TBC1D24: variants seen among roughly 807,000 people sequenced by gnomAD.
TBC1D24 encodes Infantile myoclonic epilepsy.
TBC1D24 carries 47 observed loss-of-function variants against 50.7 expected under a neutral mutation model. That is an observed-to-expected ratio of 0.93 (90% CI 0.73 to 1.18). The LOEUF is 1.18. Ranked by LOEUF, TBC1D24 falls within the 50% of genes most tolerant of loss-of-function variation. The pLI is 0.00. For synonymous variants in TBC1D24, 324 were observed against 335.2 expected, an observed-to-expected ratio of 0.97 and a Z score of 0.36; for missense variants, 688 against 766.5, an observed-to-expected ratio of 0.90 and a Z score of 1.21.
chr16:2,499,072 C>A lies in TBC1D24; in HGVS notation c.1143-285C>A, dbSNP rs1350493227. Among the ~76,000 whole-genome samples, 1 of 152,240 alleles carries A rather than the reference C, an allele frequency of 6.6e-6. No individual in the cohort carries two copies. On this transcript the variant is annotated intron_variant, in intron 4 of 7. Transcript: ENST00000646147. This position sits in a 1 kb window ranked among gnomAD's most constrained non-coding sequence, Gnocchi z 4.0. The stretch of plus-strand genomic sequence containing the variant: ...GGCCCAAACCTCCCCACCGCAGGGA[C>A]CTGTTCCTCTGGTTCCTGCTTCCCC...
rs1387962002 is a variant in TBC1D24 at position 2,502,662 on chromosome 16, T to A, written c.*1704T>A. ...AGCTGTGAAATGGGGCCAGTCCCCA[T>A]GCCCTGCTGTCCTCCTCACAGGACT... On this transcript the variant is annotated 3_prime_UTR_variant, in exon 8 of 8. Transcript: ENST00000646147. The A allele has an allele frequency of 6.5e-6, 1 of 152,712 alleles. No homozygotes were observed. The highest frequency in any genetic ancestry group is 2.4e-5 in the African/African-American group (1 of 41,454). The allele number at this position is 152,712 out of a possible 1,614,324, so 9.5% of individuals were successfully genotyped here. A position where few individuals can be genotyped will look rare whatever the true frequency, so the allele number is the denominator to read the frequency against.
In TBC1D24 at chr16:2,497,751, C is replaced by T. The variant is rs757957427; in HGVS notation, c.983+24C>T. On this transcript the variant is annotated intron_variant, in intron 3 of 7. Transcript: ENST00000646147. The stretch of plus-strand genomic sequence containing the variant: ...AGGTAGGTCTGAAACTGTATCTGCA[C>T]ACCTGGCCTCTGTCTTTCCACCAGG... The T allele has an allele frequency of 5.2e-6, 8 of 1,535,664 alleles. No individual in the cohort carries two copies. The South Asian group carries it at 9.5e-5, about 18-fold the overall frequency.
At chr16:2,497,590 C>T (rs2065754555) in intron 2 of TBC1D24, 120 bp from the exon 3 acceptor site, 2 of 978,244 alleles carry the variant, frequency 2.0e-6, no homozygotes, top group Non-Finnish European at 3.1e-6. Context: ...GGCCTGTTGG[C>T]GTGCAGCCCT....
At position 2,496,376 on chromosome 16, in the gene TBC1D24, CATCGTGGGCAAG is replaced by C. The variant is rs761918906; in HGVS notation, c.241_252del (p.Ile81_Lys84del). ...CGCCTGACGCCAGCGTGTACAGCGACATCGTGGGCAAGATCGTGGGCAAGCACAGCAGCAGCT... is the reference window on the plus strand; with the variant it reads ...CGCCTGACGCCAGCGTGTACAGCGACATCGTGGGCAAGCACAGCAGCAGCT... On this transcript the variant is annotated inframe_deletion, in exon 2 of 8. Transcript: ENST00000646147. 36 of 1,613,374 alleles carry C rather than the reference CATCGTGGGCAAG, an allele frequency of 2.2e-5. No individual in the cohort carries two copies. In the East Asian group the frequency reaches 3.8e-4, roughly 17 times the overall value.
In TBC1D24 at chr16:2,487,734, A is replaced by G. The variant is rs1041959236; in HGVS notation, c.-115-8300A>G. 6.6e-6 allele frequency among the ~76,000 whole-genome samples: 1 copy of G among 151,398 alleles called. No homozygotes were observed. Among genetic ancestry groups the G allele is most frequent in the Non-Finnish European group, 1.5e-5 (1 of 67,980 alleles). Reference sequence around the variant, plus strand: ...TTGGAGTTTGGTGTTTGGGGATGGCAGGTGGTGTTACTAGTGGCAGCCTTG... The same window carrying G: ...TTGGAGTTTGGTGTTTGGGGATGGCGGGTGGTGTTACTAGTGGCAGCCTTG... On this transcript the variant is annotated intron_variant, in intron 1 of 7. Transcript: ENST00000646147. This position sits in a 1 kb window ranked among gnomAD's most constrained non-coding sequence, Gnocchi z 4.1.
rs2065770117 is a variant in TBC1D24 at position 2,499,282 on chromosome 16, G to A, written c.1143-75G>A. 7.3e-7 allele frequency: 1 copy of A among 1,378,492 alleles called. No homozygotes were observed. The highest frequency in any genetic ancestry group is 1.9e-5 in the Admixed American group (1 of 52,296). 85.4% of individuals were successfully genotyped at this position (1,378,492 alleles called of 1,614,324 possible). A position where few individuals can be genotyped will look rare whatever the true frequency, so the allele number is the denominator to read the frequency against. On this transcript the variant is annotated intron_variant, in intron 4 of 7. Coordinates refer to ENST00000646147, the MANE Select transcript of TBC1D24 (RefSeq NM_001199107.2). The surrounding 1 kb of genome is among the most constrained non-coding windows in gnomAD (Gnocchi z 4.0). The stretch of plus-strand genomic sequence containing the variant: ...CCCAGGTCTTCGCCCCAAGACAGCT[G>A]GGGCCAGCGGAGGCTGCAGGAGGCG...
Position 2,501,137 on chromosome 16 carries a change from C to A in TBC1D24, c.*179C>A. 1.3e-6 allele frequency: 1 copy of A among 778,368 alleles called. No homozygotes were observed. The highest frequency in any genetic ancestry group is 2.0e-6 in the Non-Finnish European group (1 of 492,656). The allele number at this position is 778,368 out of a possible 1,614,324, so 48.2% of individuals were successfully genotyped here. On this transcript the variant is annotated 3_prime_UTR_variant, in exon 8 of 8. Coordinates refer to ENST00000646147, the MANE Select transcript of TBC1D24 (RefSeq NM_001199107.2). Reference sequence around the variant, plus strand: ...CTGCTGCCTCTACCTGGGGTTTGGGCTGGGCTTCCCCAGTCCACCTGCATC... The same window carrying A: ...CTGCTGCCTCTACCTGGGGTTTGGGATGGGCTTCCCCAGTCCACCTGCATC...
Position 2,500,054 on chromosome 16 carries a change from G to A in TBC1D24, c.1302+124G>A, listed in dbSNP as rs541492339. 28 of 1,004,586 alleles carry A rather than the reference G, an allele frequency of 2.8e-5. No homozygotes were observed. Among genetic ancestry groups the A allele is most frequent in the African/African-American group, 2.2e-4 (14 of 63,262 alleles). 62.2% of individuals were successfully genotyped at this position (1,004,586 alleles called of 1,614,324 possible). On this transcript the variant is annotated intron_variant, in intron 6 of 7. Coordinates refer to ENST00000646147, the MANE Select transcript of TBC1D24 (RefSeq NM_001199107.2). This position sits in a 1 kb window ranked among gnomAD's most constrained non-coding sequence, Gnocchi z 8.0. ...ATGGCAGTCACCCAGCAGCGTCATCGCCCTGTGTGCTTCCGGGTTTGATCA... is the reference window on the plus strand; with the variant it reads ...ATGGCAGTCACCCAGCAGCGTCATCACCCTGTGTGCTTCCGGGTTTGATCA...
chr16:2,476,580 T>G (rs2065570517), intron 1 of TBC1D24: 1 of 152,118 alleles, frequency 6.6e-6, no homozygotes. Flanking sequence ...TATTGGGGAG[T>G]GCTTGCTCTA....
rs2065768111 is a variant in TBC1D24, at chr16:2,499,040, C to T, written c.1143-317C>T. 6.6e-6 allele frequency among the ~76,000 whole-genome samples: 1 copy of T among 152,232 alleles called. No individual in the cohort carries two copies. The highest frequency in any genetic ancestry group is 1.5e-5 in the Non-Finnish European group (1 of 68,034). ...CTTTGGCTCCCACATGCCTGGGCTG[C>T]GAGGATGGCCCAAACCTCCCCACCG... On this transcript the variant is annotated intron_variant, in intron 4 of 7. Coordinates refer to ENST00000646147, the MANE Select transcript of TBC1D24 (RefSeq NM_001199107.2). This position sits in a 1 kb window ranked among gnomAD's most constrained non-coding sequence, Gnocchi z 4.0.
chr16:2,496,971 G>A lies in TBC1D24; in HGVS notation c.823G>A (p.Asp275Asn). 6.2e-7 allele frequency: 1 copy of A among 1,614,028 alleles called. No homozygotes were observed. Among genetic ancestry groups the A allele is most frequent in the South Asian group, 1.1e-5 (1 of 91,084 alleles). Residue 275 changes from aspartate (D) to asparagine (N), a missense_variant, in exon 2 of 8, where the codon GAC becomes AAC. Asp to Asn is a conservative substitution (Grantham distance 23). Coordinates refer to ENST00000646147, the MANE Select transcript of TBC1D24 (RefSeq NM_001199107.2). ...VKQDIRTFVR[D>N]IAKTVSPEKL... ...GCAGGACATCCGCACGTTCGTCAGA[G>A]ACATCGCGAAGACGGTGTCCCCTGA...
intron 1 of TBC1D24, among the ~76,000 whole-genome samples, chr16:2,493,418 C>T (rs545778733): frequency 6.6e-6 from 1 of 152,264 alleles, no homozygotes; most frequent in African/African-American, 2.4e-5. Flanking sequence ...GGATTACAGG[C>T]GTGAGCCACC....
chr16:2,479,050 G>A (rs539310288), intron 1 of TBC1D24: 8 of 152,008 alleles, frequency 5.3e-5, no homozygotes, highest in African/African-American at 1.7e-4. Flanking sequence ...ACACCACCAT[G>A]CCTAGCTAAT....
intron 1 of TBC1D24, among the ~76,000 whole-genome samples, chr16:2,489,266 C>T (rs2065677081): frequency 6.6e-6 from 1 of 151,054 alleles, no homozygotes; most frequent in Admixed American, 6.6e-5. Context: ...CCCATCTCTA[C>T]TAAAAATACA....
At chr16:2,493,895 C>T (rs1382764818) in intron 1 of TBC1D24, among the ~76,000 whole-genome samples, 3 of 152,206 alleles carry the variant, frequency 2.0e-5, no homozygotes, top group Non-Finnish European at 2.9e-5. Context: ...CTGGCCCATT[C>T]GGATCCAGAA....
In TBC1D24 at chr16:2,494,280, C is replaced by T. The variant is rs1264465515; in HGVS notation, c.-115-1754C>T. ...TACAAAAACTGGCTGGGTGTGGTGG[C>T]GGGTGCCTGTAGTCCCAGCTACTCA... On this transcript the variant is annotated intron_variant, in intron 1 of 7. Coordinates refer to ENST00000646147, the MANE Select transcript of TBC1D24 (RefSeq NM_001199107.2). Among the ~76,000 whole-genome samples the T allele has an allele frequency of 4.6e-5, 7 of 152,090 alleles. No homozygotes were observed. The East Asian group carries it at 1.4e-3, about 30-fold the overall frequency.
At chr16:2,490,280 G>C (rs1295276971) in intron 1 of TBC1D24, among the ~76,000 whole-genome samples, 1 of 152,232 alleles carries the variant, frequency 6.6e-6, no homozygotes, top group Non-Finnish European at 1.5e-5. Context: ...AAGACAGGAG[G>C]AGTGCTTCTC....
Position 2,499,963 on chromosome 16 carries a change from G to A in TBC1D24, c.1302+33G>A, listed in dbSNP as rs371009488. The stretch of plus-strand genomic sequence containing the variant: ...GGGCCAAGTGTCCCCAAACCCCCAC[G>A]CAGACCCTGTAGCTGCATCCCTCCA... On this transcript the variant is annotated intron_variant, in intron 6 of 7. Transcript: ENST00000646147. This position sits in a 1 kb window ranked among gnomAD's most constrained non-coding sequence, Gnocchi z 4.0. 48 of 1,592,032 alleles carry A rather than the reference G, an allele frequency of 3.0e-5. No homozygotes were observed. The highest frequency in any genetic ancestry group is 9.4e-5 in the African/African-American group (7 of 74,296).
chr16:2,493,857 A>G (rs2065716218), intron 1 of TBC1D24, among the ~76,000 whole-genome samples: 1 of 152,166 alleles, frequency 6.6e-6, no homozygotes, highest in African/African-American at 2.4e-5. Flanking sequence ...CTGTTCTTGG[A>G]GAAACACCAA....
Sources: gnomAD v4.1 joint callset for allele counts (sites outside exome capture counted in the v4.1 genomes callset) on GRCh38, gnomAD v4.1.1 for gene constraint, Gnocchi (gnomAD v3.1) non-coding constraint, MANE v1.5 for transcripts, NCBI Gene and HGNC (gene_info 2026-07-23, HGNC 2026-07-21) for gene names.